KPNB1: variants seen among roughly 807,000 people sequenced by gnomAD.
KPNB1 encodes the protein importin subunit beta-1.
A neutral mutation model predicts 113.0 loss-of-function variants in KPNB1; 7 were observed. The ratio of observed to expected loss-of-function variants is 0.06; its 90% CI spans 0.04 to 0.12. The LOEUF (loss-of-function observed/expected upper bound fraction) is 0.12, where lower values mean the gene tolerates loss of function less well. Ranked by LOEUF, KPNB1 falls within the 10% of genes least tolerant of loss-of-function variation. KPNB1 has a pLI of 1.00. For missense variants in KPNB1, 400 were observed against 1,054.8 expected, an observed-to-expected ratio of 0.38 and a Z score of 8.60; for synonymous variants, 363 against 378.6, an observed-to-expected ratio of 0.96 and a Z score of 0.48.
rs2030905674 is a variant in KPNB1, at chr17:47,685,158, T to C, written c.*2754T>C. The C allele has an allele frequency of 6.6e-6, 1 of 152,246 alleles. No individual in the cohort carries two copies. Among genetic ancestry groups the C allele is most frequent in the African/African-American group, 2.4e-5 (1 of 41,472 alleles). The allele number at this position is 152,246 out of a possible 1,614,324, so 9.4% of individuals were successfully genotyped here. ...CCTCACCCCCCCTTTGTTGAAATGTTGGACTTGCTGTCAGAGGCAACTGTA... is the reference window on the plus strand; with the variant it reads ...CCTCACCCCCCCTTTGTTGAAATGTCGGACTTGCTGTCAGAGGCAACTGTA... On this transcript the variant is annotated 3_prime_UTR_variant, in exon 22 of 22. Coordinates refer to ENST00000290158, the MANE Select transcript of KPNB1 (RefSeq NM_002265.6).
At chr17:47,655,093 C>T (rs921111674) in intron 3 of KPNB1, among the ~76,000 whole-genome samples, 4 of 152,170 alleles carry the variant, frequency 2.6e-5, no homozygotes, top group Admixed American at 1.3e-4. Flanking sequence ...CTAAGTGATC[C>T]GACCCAGTCA....
intron 15 of KPNB1, 127 bp from the exon 16 acceptor site, chr17:47,676,281 TA>T: frequency 1.4e-6 from 1 of 697,832 alleles, no homozygotes; most frequent in Non-Finnish European, 2.6e-6. Context: ...AATCGGTAAC[TA>T]AAGCACATTT....
intron 8 of KPNB1, 75 bp downstream of exon 8, chr17:47,664,344 G>A: frequency 2.0e-6 from 2 of 993,236 alleles, no homozygotes; most frequent in African/African-American, 1.6e-5. Flanking sequence ...CCCCTTCTAG[G>A]AGAACTTTAT....
At chr17:47,682,343 T>G in intron 21 of KPNB1, 61 bp from the exon 22 acceptor site, 2 of 779,630 alleles carry the variant, frequency 2.6e-6, no homozygotes, top group Non-Finnish European at 4.8e-6. Flanking sequence ...GAGTCAGCAT[T>G]ATTGGCTCTG....
At chr17:47,660,224 C>A (rs1471265104) in intron 5 of KPNB1, among the ~76,000 whole-genome samples, 1 of 152,206 alleles carries the variant, frequency 6.6e-6, no homozygotes, top group East Asian at 1.9e-4. Flanking sequence ...TGTCTTTTTG[C>A]GACTGGTTTG....
chr17:47,664,587 T>G (rs149511493), intron 8 of KPNB1, among the ~76,000 whole-genome samples: 79 of 152,316 alleles, frequency 5.2e-4, no homozygotes, highest in African/African-American at 1.8e-3. Context: ...GAAGTCCTAA[T>G]GCAAGCCTAG....
At chr17:47,658,882 T>G (rs1773562093) in intron 5 of KPNB1, among the ~76,000 whole-genome samples, 1 of 152,090 alleles carries the variant, frequency 6.6e-6, no homozygotes, top group Non-Finnish European at 1.5e-5. Context: ...TAAGCTTAGG[T>G]TTTTCCTTTT....
At chr17:47,665,647 A>G (rs2030245316) in intron 9 of KPNB1, among the ~76,000 whole-genome samples, 1 of 152,234 alleles carries the variant, frequency 6.6e-6, no homozygotes, top group African/African-American at 2.4e-5. Flanking sequence ...ATCCTTTAAG[A>G]TAATTAACTT....
At chr17:47,673,700 T>A in intron 14 of KPNB1, 139 bp downstream of exon 14, 1 of 665,350 alleles carries the variant, frequency 1.5e-6, no homozygotes, top group South Asian at 1.7e-5. Flanking sequence ...GGCTTTGGTC[T>A]GTGATTGGTT....
chr17:47,669,091 C>CT (rs58910821), intron 10 of KPNB1, among the ~76,000 whole-genome samples: 56,746 of 147,776 alleles, frequency 0.38, 11,300 homozygotes, highest in South Asian at 0.46. Flanking sequence ...CTGAGTAATT[C>CT]TTTTTTTTTT....
chr17:47,655,254 T>C (rs1055857610), intron 3 of KPNB1, among the ~76,000 whole-genome samples: 1 of 152,236 alleles, frequency 6.6e-6, no homozygotes, highest in African/African-American at 2.4e-5. Context: ...AGGTCAATTG[T>C]GGCTTCATCT....
At chr17:47,652,348 A>G (rs1477169562) in intron 2 of KPNB1, among the ~76,000 whole-genome samples, 1 of 152,244 alleles carries the variant, frequency 6.6e-6, no homozygotes, top group Non-Finnish European at 1.5e-5. Context: ...ACCTCAGTAT[A>G]CATAGAAGAC....
At chr17:47,666,485 TTA>T (rs1479584223) in intron 9 of KPNB1, among the ~76,000 whole-genome samples, 2 of 144,802 alleles carry the variant, frequency 1.4e-5, no homozygotes, top group Non-Finnish European at 3.0e-5. Flanking sequence ...ATGTTATATA[TTA>T]TATATTTTAT....
chr17:47,670,845 T>C lies in KPNB1; in HGVS notation c.1547+13T>C, dbSNP rs1249309571. The C allele has an allele frequency of 1.3e-6, 2 of 1,591,174 alleles. No individual in the cohort carries two copies. The highest frequency in any genetic ancestry group is 1.7e-6 in the Non-Finnish European group (2 of 1,162,068). ...AGACTACAGACAGGTAACTGATATT[T>C]CACAGAAATGAGTGACGTCTTTGCA... On this transcript the variant is annotated intron_variant, in intron 12 of 21. Coordinates refer to ENST00000290158, the MANE Select transcript of KPNB1 (RefSeq NM_002265.6).
intron 3 of KPNB1, among the ~76,000 whole-genome samples, chr17:47,654,650 A>G (rs1279143227): frequency 2.6e-5 from 4 of 152,128 alleles, no homozygotes; most frequent in African/African-American, 9.7e-5. Flanking sequence ...TCTAGTTTAA[A>G]CAGAAAACTT....
chr17:47,664,109 C>A, intron 7 of KPNB1, 50 bp from the exon 8 acceptor site: 1 of 1,177,010 alleles, frequency 8.5e-7, no homozygotes, highest in Non-Finnish European at 1.3e-6. Context: ...GGGGCAGGGA[C>A]TCACTTGAAT....
At chr17:47,661,046 A>C (rs1394946729) in intron 5 of KPNB1, 73 bp from the exon 6 acceptor site, 2 of 1,214,916 alleles carry the variant, frequency 1.6e-6, no homozygotes, top group African/African-American at 3.0e-5. Context: ...TTTTCCTTGT[A>C]GAGGGAGTCT....
At position 47,658,592 on chromosome 17, in the gene KPNB1, G is replaced by T; in HGVS notation, c.568G>T (p.Val190Leu). The change falls in exon 5 of 22, where the codon GTG becomes TTG. Residue 190 changes from valine to leucine, a missense_variant. Coordinates refer to ENST00000290158, the MANE Select transcript of KPNB1 (RefSeq NM_002265.6). The part of the protein sequence containing the change: ...GMRKEEPSNN[V>L]KLAATNALLN... ...GAGGAAAGAAGAGCCTAGTAATAAT[G>T]TGAAGCTAGCTGCTACGAATGCACT... The T allele has an allele frequency of 6.2e-7, 1 of 1,613,984 alleles. No individual in the cohort carries two copies. The highest frequency in any genetic ancestry group is 8.5e-7 in the Non-Finnish European group (1 of 1,180,012).
At position 47,683,870 on chromosome 17, in the gene KPNB1, T is replaced by TTC. The variant is rs980559359; in HGVS notation, c.*1466_*1467insTC. 6.6e-6 allele frequency: 1 copy of TTC among 152,446 alleles called. No individual in the cohort carries two copies. Among genetic ancestry groups the TTC allele is most frequent in the African/African-American group, 2.4e-5 (1 of 41,454 alleles). The allele number at this position is 152,446 out of a possible 1,614,324, so 9.4% of individuals were successfully genotyped here. A position where few individuals can be genotyped will look rare whatever the true frequency, so the allele number is the denominator to read the frequency against. ...AACGTCCCCTGGTCACACACTTGAA[T>TTC]ATTTTTTTAGAAGTGTGATGTGGTA... On this transcript the variant is annotated 3_prime_UTR_variant, in exon 22 of 22. Transcript: ENST00000290158.
Sources: gnomAD v4.1 joint callset for allele counts (sites outside exome capture counted in the v4.1 genomes callset) on GRCh38, gnomAD v4.1.1 for gene constraint, MANE v1.5 for transcripts, NCBI Gene and HGNC (gene_info 2026-07-23, HGNC 2026-07-21) for gene names.